NLGN1: variants seen among roughly 807,000 people sequenced by gnomAD.
The protein encoded by NLGN1 is neuroligin 1, also known as neuroligin-1.
NLGN1 carries 12 observed loss-of-function variants against 65.5 expected under a neutral mutation model. The ratio of observed to expected loss-of-function variants is 0.18; its 90% CI spans 0.12 to 0.30. The LOEUF is 0.30. Ranked by LOEUF, NLGN1 falls within the 10% of genes least tolerant of loss-of-function variation. NLGN1 has a pLI of 1.00. For synonymous variants in NLGN1, 350 were observed against 359.5 expected, an observed-to-expected ratio of 0.97 and a Z score of 0.30; for missense variants, 750 against 1,007.1, an observed-to-expected ratio of 0.74 and a Z score of 3.46.
chr3:174,224,879 C>A lies in NLGN1; in HGVS notation c.647-50436C>A, dbSNP rs187499547. Among the ~76,000 whole-genome samples, 42 of 152,212 alleles carry A rather than the reference C, an allele frequency of 2.8e-4. No homozygotes were observed. The East Asian group carries it at 2.9e-3, about 11-fold the overall frequency. On this transcript the variant is annotated intron_variant, in intron 4 of 6. Coordinates refer to ENST00000457714, the Ensembl canonical transcript of NLGN1. Reference sequence around the variant, plus strand: ...AAGCTTTGCATAATGCTGATGTAGTCCAACACACTCAGTTTAGAGATAAGC... The same window carrying A: ...AAGCTTTGCATAATGCTGATGTAGTACAACACACTCAGTTTAGAGATAAGC...
intron 4 of NLGN1, among the ~76,000 whole-genome samples, chr3:174,050,840 G>A (rs1011185837): frequency 3.3e-5 from 5 of 152,032 alleles, no homozygotes; most frequent in Admixed American, 2.0e-4. Context: ...GTGACATGAG[G>A]ACTAGAGGTA....
At chr3:173,572,913 A>G (rs1744878351) in intron 2 of NLGN1, among the ~76,000 whole-genome samples, 1 of 152,136 alleles carries the variant, frequency 6.6e-6, no homozygotes, top group Non-Finnish European at 1.5e-5. Flanking sequence ...CCTCTGAGTA[A>G]TAACTTCTCC....
chr3:173,420,749 G>A (rs536049494), intron 1 of NLGN1, among the ~76,000 whole-genome samples: 1 of 152,144 alleles, frequency 6.6e-6, no homozygotes, highest in Admixed American at 6.5e-5. Flanking sequence ...TTCTTCTTCC[G>A]GTGTGGCCCA....
At chr3:173,998,288 A>G (rs926744507) in intron 4 of NLGN1, among the ~76,000 whole-genome samples, 2 of 152,152 alleles carry the variant, frequency 1.3e-5, no homozygotes, top group Non-Finnish European at 2.9e-5. Flanking sequence ...GGGAATCAGA[A>G]CATCCTACTT....
chr3:174,112,499 C>T lies in NLGN1; in HGVS notation c.647-162816C>T, dbSNP rs184557753. Among the ~76,000 whole-genome samples, 12 of 151,964 alleles carry T rather than the reference C, an allele frequency of 7.9e-5. No individual in the cohort carries two copies. The East Asian group carries it at 2.3e-3, about 29-fold the overall frequency. ...CCGATCACAGCAACTTCTATTTCTC[C>T]TTTTTAGACTCAGTGCCATTTCGGT... On this transcript the variant is annotated intron_variant, in intron 4 of 6. Transcript: ENST00000457714.
At chr3:173,662,627 G>C (rs548175763) in intron 3 of NLGN1, among the ~76,000 whole-genome samples, 43 of 151,946 alleles carry the variant, frequency 2.8e-4, no homozygotes, top group Non-Finnish European at 5.2e-4. Context: ...AAGGATTCCA[G>C]ATGTTTTCAT....
chr3:173,813,222 TG>T (rs2150486026), intron 4 of NLGN1, among the ~76,000 whole-genome samples: 1 of 152,304 alleles, frequency 6.6e-6, no homozygotes, highest in African/African-American at 2.4e-5. Flanking sequence ...TACAATGTTT[TG>T]TCATTGTTAC....
At chr3:173,435,969 C>T (rs1410906616) in intron 2 of NLGN1, among the ~76,000 whole-genome samples, 1 of 152,004 alleles carries the variant, frequency 6.6e-6, no homozygotes, top group African/African-American at 2.4e-5. Context: ...CAGAAAGAAC[C>T]ACTGATATCA....
At chr3:173,941,517 A>G (rs1236407554) in intron 4 of NLGN1, among the ~76,000 whole-genome samples, 1 of 151,998 alleles carries the variant, frequency 6.6e-6, no homozygotes, top group African/African-American at 2.4e-5. Flanking sequence ...AATTGACTCA[A>G]AAGGTTGACT....
At chr3:174,029,163 C>T (rs1729424787) in intron 4 of NLGN1, among the ~76,000 whole-genome samples, 1 of 152,174 alleles carries the variant, frequency 6.6e-6, no homozygotes, top group African/African-American at 2.4e-5. Flanking sequence ...AATGATAGAT[C>T]CAATGACAGC....
chr3:174,027,914 T>C (rs1729166420), intron 4 of NLGN1, among the ~76,000 whole-genome samples: 2 of 152,042 alleles, frequency 1.3e-5, no homozygotes, highest in South Asian at 2.1e-4. Flanking sequence ...TGGGGCCAGG[T>C]GGAGATAATT....
chr3:173,772,584 C>T (rs1779737668), intron 3 of NLGN1, among the ~76,000 whole-genome samples: 1 of 152,164 alleles, frequency 6.6e-6, no homozygotes, highest in Admixed American at 6.5e-5. Context: ...CACCATTGCA[C>T]TCCAGCCTGG....
intron 2 of NLGN1, among the ~76,000 whole-genome samples, chr3:173,543,504 G>C (rs1033718828): frequency 2.2e-4 from 33 of 152,190 alleles, no homozygotes; most frequent in Non-Finnish European, 4.6e-4. Flanking sequence ...ATTGTCTTGA[G>C]GATTTTTGAT....
intron 1 of NLGN1, among the ~76,000 whole-genome samples, chr3:173,401,026 C>T (rs1197464493): frequency 6.6e-6 from 1 of 152,104 alleles, no homozygotes; most frequent in Non-Finnish European, 1.5e-5. Context: ...TGATGTGCCT[C>T]CAAACTCGTG....
At chr3:173,509,696 TAA>T (rs1489245526) in intron 2 of NLGN1, among the ~76,000 whole-genome samples, 3 of 152,134 alleles carry the variant, frequency 2.0e-5, no homozygotes, top group African/African-American at 7.2e-5. Flanking sequence ...TAGCAAACAA[TAA>T]GTCAGGATAT....
chr3:173,529,436 C>A (rs1158576491), intron 2 of NLGN1, among the ~76,000 whole-genome samples: 1 of 152,116 alleles, frequency 6.6e-6, no homozygotes, highest in East Asian at 1.9e-4. Flanking sequence ...CATGAATACT[C>A]CAATGAAGAG....
the NLGN1 span, among the ~76,000 whole-genome samples, chr3:174,292,250 C>G: frequency 6.6e-6 from 1 of 151,160 alleles, no homozygotes; most frequent in Admixed American, 6.6e-5. Context: ...CCTTAAGGAC[C>G]AGATTGTGGT....
chr3:173,697,863 T>C (rs1305558580), intron 3 of NLGN1, among the ~76,000 whole-genome samples: 1 of 152,126 alleles, frequency 6.6e-6, no homozygotes, highest in Non-Finnish European at 1.5e-5. Flanking sequence ...ATTATTTTTA[T>C]TACTATTCCC....
At chr3:173,865,197 T>C (rs1729891555) in intron 4 of NLGN1, among the ~76,000 whole-genome samples, 1 of 152,198 alleles carries the variant, frequency 6.6e-6, no homozygotes, top group Non-Finnish European at 1.5e-5. Context: ...CCACAGTTTG[T>C]ATTAATCCTT....
Sources: allele counts gnomAD v4.1 joint callset (sites outside exome capture counted in the v4.1 genomes callset), GRCh38; gene constraint gnomAD v4.1.1; transcripts MANE v1.5; gene names NCBI Gene and HGNC (gene_info 2026-07-23, HGNC 2026-07-21).